Variants in CSMD1 observed in about 807,000 individuals in gnomAD.
CSMD1 encodes CUB and sushi domain-containing protein 1.
A neutral mutation model predicts 417.5 loss-of-function variants in CSMD1; 213 were observed. The observed-to-expected ratio is 0.51, with a 90% CI of 0.46 to 0.57. The LOEUF (loss-of-function observed/expected upper bound fraction) is 0.57, where lower values mean the gene tolerates loss of function less well. Ranked by LOEUF, CSMD1 falls within the 20% of genes least tolerant of loss-of-function variation. The pLI is 0.00. For missense variants in CSMD1, 6,923 were observed against 4,529.7 expected, an observed-to-expected ratio of 1.53 and a Z score of -15.17; for synonymous variants, 2,862 against 1,736.8, an observed-to-expected ratio of 1.65 and a Z score of -16.11.
intron 3 of CSMD1, among the ~76,000 whole-genome samples, chr8:4,361,178 T>A (rs1801737611): frequency 6.6e-6 from 1 of 152,206 alleles, no homozygotes; most frequent in African/African-American, 2.4e-5. Context: ...TTAGACTTAT[T>A]AAGCTGTGAG....
chr8:3,884,543 A>T (rs1054135494), intron 5 of CSMD1, among the ~76,000 whole-genome samples: 1 of 152,106 alleles, frequency 6.6e-6, no homozygotes, highest in African/African-American at 2.4e-5. Flanking sequence ...GTCACTCAGG[A>T]CTCTGATATA....
chr8:4,129,237 T>A (rs2130972255), intron 3 of CSMD1, among the ~76,000 whole-genome samples: 1 of 152,288 alleles, frequency 6.6e-6, no homozygotes, highest in South Asian at 2.1e-4. Context: ...CAATTTCCTC[T>A]TCTGAGGATG....
At chr8:4,782,251 T>C (rs1251416803) in intron 1 of CSMD1, among the ~76,000 whole-genome samples, 1 of 152,194 alleles carries the variant, frequency 6.6e-6, no homozygotes, top group Non-Finnish European at 1.5e-5. Context: ...AAAAGAGGGT[T>C]TTCAATATCC....
intron 3 of CSMD1, among the ~76,000 whole-genome samples, chr8:4,062,001 G>A (rs910217071): frequency 6.6e-6 from 1 of 152,098 alleles, no homozygotes; most frequent in Admixed American, 6.6e-5. Context: ...TGTCTGAGAG[G>A]TCAAGGTGTA....
chr8:4,483,968 G>A (rs866073940), intron 2 of CSMD1, among the ~76,000 whole-genome samples: 8 of 152,102 alleles, frequency 5.3e-5, no homozygotes, highest in South Asian at 2.1e-4. Context: ...ACAGTCCTGC[G>A]TTTTCGGAGA....
At chr8:3,915,235 G>A (rs189499989) in intron 5 of CSMD1, among the ~76,000 whole-genome samples, 44 of 151,898 alleles carry the variant, frequency 2.9e-4, no homozygotes, top group Middle Eastern at 3.4e-3. Flanking sequence ...ACGAAACTCT[G>A]CCTCTACCAA....
chr8:4,031,508 G>T (rs898160300), intron 4 of CSMD1, among the ~76,000 whole-genome samples: 4 of 152,098 alleles, frequency 2.6e-5, no homozygotes, highest in African/African-American at 7.2e-5. Context: ...CTTCTACCAG[G>T]TTCCTCCCAC....
rs531278000 is a variant in CSMD1, at chr8:4,110,109, G to A, written c.416-78010C>T. Among the ~76,000 whole-genome samples the A allele has an allele frequency of 3.3e-5, 5 of 152,182 alleles. No homozygotes were observed. The South Asian group carries it at 6.2e-4, about 19-fold the overall frequency. ...AGCTTTCCTCCAGCATGGAAATAAC[G>A]GTGGAGTTGGAAAAGTGTCTTAGAA... On this transcript the variant is annotated intron_variant, in intron 3 of 69. Coordinates refer to ENST00000635120, the MANE Select transcript of CSMD1 (RefSeq NM_033225.6).
intron 7 of CSMD1, among the ~76,000 whole-genome samples, chr8:3,672,684 G>T (rs750157830): frequency 7.9e-5 from 12 of 152,152 alleles, no homozygotes; most frequent in East Asian, 1.9e-4. Flanking sequence ...TGTTCCCAAG[G>T]CTGTCTCCAG....
chr8:3,065,933 C>G (rs139369162), intron 49 of CSMD1, among the ~76,000 whole-genome samples: 53 of 152,232 alleles, frequency 3.5e-4, no homozygotes, highest in Non-Finnish European at 7.1e-4. Context: ...TTATCACCCA[C>G]TAAGCCAGCC....
At chr8:3,273,394 T>A (rs994354395) in intron 26 of CSMD1, among the ~76,000 whole-genome samples, 2 of 152,124 alleles carry the variant, frequency 1.3e-5, no homozygotes, top group Non-Finnish European at 2.9e-5. Context: ...TAAAATTCTC[T>A]TTTTTGGTTG....
intron 5 of CSMD1, among the ~76,000 whole-genome samples, chr8:3,806,611 A>G: frequency 6.6e-6 from 1 of 152,230 alleles, no homozygotes; most frequent in East Asian, 1.9e-4. Context: ...TAGGAACAAC[A>G]TCAATAATCA....
chr8:4,331,723 A>G (rs1799878793), intron 3 of CSMD1, among the ~76,000 whole-genome samples: 1 of 152,136 alleles, frequency 6.6e-6, no homozygotes, highest in South Asian at 2.1e-4. Context: ...AAGGCTTCAC[A>G]ATGACCTTTC....
intron 5 of CSMD1, among the ~76,000 whole-genome samples, chr8:3,977,673 A>G (rs2130144479): frequency 6.6e-6 from 1 of 152,308 alleles, no homozygotes; most frequent in South Asian, 2.1e-4. Context: ...TGCTCATAAG[A>G]ATGTGGTAAA....
At chr8:3,572,142 T>C (rs909964850) in intron 10 of CSMD1, among the ~76,000 whole-genome samples, 2 of 152,160 alleles carry the variant, frequency 1.3e-5, no homozygotes, top group East Asian at 3.9e-4. Context: ...ACCTCAGAGT[T>C]TTCTGCCCGA....
chr8:4,780,156 C>A (rs1052482356), intron 1 of CSMD1, among the ~76,000 whole-genome samples: 5 of 152,162 alleles, frequency 3.3e-5, no homozygotes, highest in African/African-American at 7.2e-5. Context: ...ATTGGCCAGA[C>A]CTTCAGCATC....
At chr8:4,467,213 G>C (rs999898106) in intron 2 of CSMD1, among the ~76,000 whole-genome samples, 5 of 150,898 alleles carry the variant, frequency 3.3e-5, no homozygotes, top group East Asian at 1.9e-4. Flanking sequence ...CAGTTTCCTT[G>C]TGTCTGCACA....
chr8:3,956,010 G>C (rs1811919573), intron 5 of CSMD1, among the ~76,000 whole-genome samples: 2 of 152,154 alleles, frequency 1.3e-5, no homozygotes, highest in African/African-American at 2.4e-5. Context: ...GGCCAGGATG[G>C]TCTCGAACTC....
chr8:4,031,565 G>A (rs1280843348), intron 4 of CSMD1, among the ~76,000 whole-genome samples: 1 of 152,158 alleles, frequency 6.6e-6, no homozygotes, highest in African/African-American at 2.4e-5. Flanking sequence ...AGGTTTGGGT[G>A]AGGACAGAGC....
Sources: allele counts gnomAD v4.1 joint callset (sites outside exome capture counted in the v4.1 genomes callset), GRCh38; gene constraint gnomAD v4.1.1; transcripts MANE v1.5; gene names NCBI Gene and HGNC (gene_info 2026-07-23, HGNC 2026-07-21).